GRIP1: variants seen among roughly 807,000 people sequenced by gnomAD.
GRIP1 encodes the protein glutamate receptor-interacting protein 1.
A neutral mutation model predicts 129.9 loss-of-function variants in GRIP1; 45 were observed. The ratio of observed to expected loss-of-function variants is 0.35; its 90% CI spans 0.27 to 0.44. GRIP1 has a LOEUF of 0.44. Ranked by LOEUF, GRIP1 falls within the 20% of genes least tolerant of loss-of-function variation. GRIP1 has a pLI of 1.00. For missense variants in GRIP1, 1,196 were observed against 1,396.8 expected (o/e 0.86, Z 2.29); for synonymous variants, 530 against 520.8 (o/e 1.02, Z -0.24).
intron 7 of GRIP1, among the ~76,000 whole-genome samples, chr12:66,472,101 T>C (rs1194914369): frequency 6.6e-6 from 1 of 152,218 alleles, no homozygotes; most frequent in African/African-American, 2.4e-5. Context: ...AGCAGCAGCA[T>C]TAATGTACTA....
intron 20 of GRIP1, among the ~76,000 whole-genome samples, chr12:66,377,511 T>G (rs77345527): frequency 1.5e-4 from 23 of 150,558 alleles, no homozygotes; most frequent in African/African-American, 5.6e-4. Context: ...TTTTTTTTTT[T>G]TGTATTTTTA....
intron 5 of GRIP1, among the ~76,000 whole-genome samples, chr12:66,525,281 A>T (rs7958619): frequency 0.46 from 69,746 of 151,596 alleles, 16,284 homozygotes; most frequent in African/African-American, 0.54. Flanking sequence ...AAAATCCTCA[A>T]TAAAATACTG....
chr12:66,895,219 C>T (rs937294334), intron 1 of GRIP1, among the ~76,000 whole-genome samples: 14 of 152,158 alleles, frequency 9.2e-5, no homozygotes, highest in Admixed American at 8.5e-4. Flanking sequence ...CCCCACATGT[C>T]ATGGGAAGGA....
At position 66,539,152 on chromosome 12, in the gene GRIP1, T is replaced by A; in HGVS notation, c.344A>T (p.Asp115Val). Residue 115 changes from aspartate to valine, a missense_variant, in exon 4 of 25, where the codon GAC becomes GTC. Physicochemically the swap from Asp to Val is radical, Grantham distance 152 (BLOSUM62 -3). Transcript: ENST00000359742. ...NGINLAKFRH[D>V]EIISLLKNVG... ...ATTCTTCAGCAAGCTGATGATCTCG[T>A]CATGGCGGAATTTGGCCAGGTTGAT... 6.2e-7 allele frequency: 1 copy of A among 1,614,122 alleles called. No homozygotes were observed.
rs1212634364 is a variant in GRIP1 at position 67,011,803 on chromosome 12, G to C, written c.58+57247C>G. ...ACCTTATCCACCAGGCAAGGGGTCA[G>C]CAACATTTTTCTTTAAAGGGCCAGA... is the stretch of plus-strand genomic sequence containing the variant. On this transcript the variant is annotated intron_variant, in intron 1 of 1. Transcript: ENST00000643019. 4.6e-5 allele frequency among the ~76,000 whole-genome samples: 7 copies of C among 152,122 alleles called. No individual in the cohort carries two copies. In the East Asian group the frequency reaches 1.3e-3, roughly 29 times the overall value.
intron 1 of GRIP1, among the ~76,000 whole-genome samples, chr12:66,671,230 A>C (rs1482005740): frequency 6.6e-6 from 1 of 152,160 alleles, no homozygotes; most frequent in Non-Finnish European, 1.5e-5. Flanking sequence ...AAGAAAGTCA[A>C]GTTTGATTAA....
intron 4 of GRIP1, 55 bp downstream of exon 4, chr12:66,539,023 C>A: frequency 6.8e-7 from 1 of 1,468,332 alleles, no homozygotes; most frequent in Non-Finnish European, 9.6e-7. Context: ...TTTTAGGCAT[C>A]CACTGGGGGT....
rs142868661 is a variant in GRIP1, at chr12:66,419,076, A to T, written c.1838+1644T>A. On this transcript the variant is annotated intron_variant, in intron 15 of 24. Coordinates refer to ENST00000359742, the MANE Select transcript of GRIP1 (RefSeq NM_001366722.1). Reference sequence around the variant, plus strand: ...ACTGAGAGATAAATGGATAAAAGGAATGTGGTACATATATACAATGGAGTT... The same window carrying T: ...ACTGAGAGATAAATGGATAAAAGGATTGTGGTACATATATACAATGGAGTT... 1.1e-3 allele frequency among the ~76,000 whole-genome samples: 160 copies of T among 152,310 alleles called. 4 individuals are homozygous for T. The East Asian group carries it at 0.029, about 27-fold the overall frequency.
chr12:66,751,997 A>G (rs1339953536), intron 1 of GRIP1, among the ~76,000 whole-genome samples: 2 of 152,172 alleles, frequency 1.3e-5, no homozygotes, highest in East Asian at 3.8e-4. Flanking sequence ...CACAAATCCA[A>G]GGGGCCAATG....
chr12:66,459,995 C>T (rs114370563), intron 9 of GRIP1, among the ~76,000 whole-genome samples: 1 of 152,138 alleles, frequency 6.6e-6, no homozygotes, highest in Non-Finnish European at 1.5e-5. Context: ...AGGCACTGTG[C>T]TAGGTGCTTT....
intron 1 of GRIP1, among the ~76,000 whole-genome samples, chr12:66,761,092 T>G (rs903466808): frequency 6.6e-6 from 1 of 152,078 alleles, no homozygotes; most frequent in African/African-American, 2.4e-5. Flanking sequence ...ATGAGCACAA[T>G]CAGACATTTA....
chr12:66,377,638 C>CTTTTTTTT (rs3045282), intron 20 of GRIP1, among the ~76,000 whole-genome samples: 3 of 124,612 alleles, frequency 2.4e-5, no homozygotes, highest in African/African-American at 9.4e-5. Flanking sequence ...CGCACCCGGC[C>CTTTTTTTT]TTTTTTTTTT....
At chr12:66,975,655 T>C (rs2042140568) in intron 1 of GRIP1, among the ~76,000 whole-genome samples, 1 of 152,142 alleles carries the variant, frequency 6.6e-6, no homozygotes, top group Non-Finnish European at 1.5e-5. Flanking sequence ...AGTCAATTAC[T>C]AAAAAATGTT....
intron 4 of GRIP1, among the ~76,000 whole-genome samples, chr12:66,533,885 A>ACTCTGTCTCT (rs201892079): frequency 7.7e-6 from 1 of 129,570 alleles, no homozygotes; most frequent in Non-Finnish European, 1.7e-5. Context: ...ACACATACAC[A>ACTCTGTCTCT]CACTCTCTCT....
intron 17 of GRIP1, 89 bp from the exon 18 acceptor site, chr12:66,392,905 A>G (rs2056646382): frequency 3.2e-6 from 4 of 1,264,868 alleles, no homozygotes; most frequent in Non-Finnish European, 4.6e-6. Context: ...TACATTCATC[A>G]TAATAAAGAC....
chr12:66,997,225 C>T (rs1435244751), intron 1 of GRIP1, among the ~76,000 whole-genome samples: 1 of 151,932 alleles, frequency 6.6e-6, no homozygotes, highest in Non-Finnish European at 1.5e-5. Context: ...GTATGTCATA[C>T]ATAGAGCATA....
At chr12:67,027,320 A>G (rs995483013) in intron 1 of GRIP1, among the ~76,000 whole-genome samples, 1 of 152,160 alleles carries the variant, frequency 6.6e-6, no homozygotes, top group Non-Finnish European at 1.5e-5. Context: ...CTATCACCAC[A>G]CGTGGTCACT....
intron 1 of GRIP1, among the ~76,000 whole-genome samples, chr12:67,027,477 G>A (rs990242536): frequency 6.6e-6 from 1 of 152,166 alleles, no homozygotes; most frequent in Non-Finnish European, 1.5e-5. Context: ...TGGGCAAAAT[G>A]CCATGCTAAA....
In GRIP1 at chr12:66,420,789, G is replaced by T; in HGVS notation, c.1769C>A (p.Ser590Ter). Residue 590 changes from serine to a stop codon, truncating the protein, a stop_gained and splice_region_variant, in exon 15 of 25, where the codon TCA becomes TAA. Coordinates refer to ENST00000359742, the MANE Select transcript of GRIP1 (RefSeq NM_001366722.1). LOFTEE classifies it high-confidence loss of function. The stretch of plus-strand genomic sequence containing the variant: ...GTCTCCTGGTTTTCTACTGGATGGT[G>T]CTGTAATAATGGAGATAGAATAATC... ...HNVELGITIS[S>*]PSSRKPGDPL... The T allele has an allele frequency of 6.5e-7, 1 of 1,535,252 alleles. No homozygotes were observed. Among genetic ancestry groups the T allele is most frequent in the Non-Finnish European group, 9.0e-7 (1 of 1,107,998 alleles).
Sources: allele counts gnomAD v4.1 joint callset (sites outside exome capture counted in the v4.1 genomes callset), GRCh38; gene constraint gnomAD v4.1.1; transcripts MANE v1.5; gene names NCBI Gene and HGNC (gene_info 2026-07-23, HGNC 2026-07-21).